The following CCDC158 variants were observed in gnomAD, a reference collection of about 807,000 sequenced individuals.
CCDC158 encodes coiled-coil domain containing 158.
In CCDC158, 116 loss-of-function variants were observed where a neutral mutation model predicts 138.6. The ratio of observed to expected loss-of-function variants is 0.84; its 90% confidence interval spans 0.72 to 0.98. The LOEUF is 0.98. CCDC158 is among the 50% of genes least tolerant of loss of function. CCDC158 has a pLI of 0.00. For synonymous variants in CCDC158, 436 were observed against 442.4 expected, an observed-to-expected ratio of 0.99 and a Z score of 0.18; for missense variants, 1,265 against 1,306.1, an observed-to-expected ratio of 0.97 and a Z score of 0.48.
intron 9 of CCDC158, among the ~76,000 whole-genome samples, chr4:76,378,432 T>C (rs9997109): frequency 0.029 from 4,464 of 152,244 alleles, 215 homozygotes; most frequent in African/African-American, 0.1. Context: ...ATGTAAATTG[T>C]TTCTGCTTGG....
chr4:76,350,900 G>T, intron 18 of CCDC158, 96 bp downstream of exon 18: 4 of 1,190,900 alleles, frequency 3.4e-6, no homozygotes, highest in Non-Finnish European at 3.5e-6. Flanking sequence ...AAATGCTATG[G>T]ATATAGAGAT....
intron 19 of CCDC158, 66 bp downstream of exon 19, chr4:76,333,944 G>C: frequency 8.4e-7 from 1 of 1,187,382 alleles, no homozygotes; most frequent in South Asian, 2.1e-5. Context: ...AGAGTAACAT[G>C]TGAATAACTC....
chr4:76,371,124 G>T (rs1306172730), intron 10 of CCDC158, among the ~76,000 whole-genome samples: 1 of 152,112 alleles, frequency 6.6e-6, no homozygotes, highest in Non-Finnish European at 1.5e-5. Flanking sequence ...GCCTTAAAAT[G>T]AACGTGTAAC....
chr4:76,351,194 A>G, intron 17 of CCDC158, 73 bp from the exon 18 acceptor site: 1 of 1,420,464 alleles, frequency 7.0e-7, no homozygotes, highest in Non-Finnish European at 9.5e-7. Flanking sequence ...ATCAAAATGT[A>G]TTTTTTGATT....
In CCDC158 at chr4:76,353,185, G is replaced by A; in HGVS notation, c.2383C>T (p.Leu795=). Residue 795 remains leucine, a synonymous_variant, in exon 16 of 25, where the codon CTG becomes TTG. Coordinates refer to ENST00000682701, the MANE Select transcript of CCDC158 (RefSeq NM_001394954.1). ...KNKMAGELEV[L]RSQERRLKEK... The stretch of plus-strand genomic sequence containing the variant: ...TTCAAACGGCGTTCCTGAGATCGCA[G>A]AACTTCCAACTCCCCAGCCATCTTG... 1 of 1,613,814 alleles carries A rather than the reference G, an allele frequency of 6.2e-7. No homozygotes were observed.
chr4:76,400,416 AG>A (rs71659322), intron 3 of CCDC158, among the ~76,000 whole-genome samples: 2 of 58,146 alleles, frequency 3.4e-5, no homozygotes, highest in African/African-American at 6.8e-5. Context: ...GGGTGGGGGG[AG>A]GGGGGAGTGA....
At chr4:76,333,743 T>C (rs1014858322) in intron 19 of CCDC158, among the ~76,000 whole-genome samples, 2 of 152,226 alleles carry the variant, frequency 1.3e-5, no homozygotes, top group Non-Finnish European at 2.9e-5. Context: ...TATAAAATCT[T>C]TTGAGAATTA....
chr4:76,321,211 G>A (rs145441821), intron 24 of CCDC158, among the ~76,000 whole-genome samples: 1 of 152,044 alleles, frequency 6.6e-6, no homozygotes, highest in South Asian at 2.1e-4. Flanking sequence ...ACAACAGTAT[G>A]ATACTACCTA....
chr4:76,397,221 A>C (rs1727901184), intron 3 of CCDC158, among the ~76,000 whole-genome samples: 1 of 151,942 alleles, frequency 6.6e-6, no homozygotes, highest in African/African-American at 2.4e-5. Flanking sequence ...GAAAAAAAAA[A>C]CCCACCTGGA....
intron 13 of CCDC158, among the ~76,000 whole-genome samples, chr4:76,361,457 G>A (rs1724131632): frequency 6.6e-6 from 1 of 152,188 alleles, no homozygotes; most frequent in Non-Finnish European, 1.5e-5. Flanking sequence ...AGCTACTTGG[G>A]AGGCTGAGGC....
intron 2 of CCDC158, chr4:76,407,222 A>G (rs762813492): frequency 1.4e-4 from 22 of 152,048 alleles, no homozygotes; most frequent in Non-Finnish European, 1.8e-4. Context: ...TTTCACTCAC[A>G]TTTTCTTCCT....
rs1172592756 is a variant in CCDC158, at chr4:76,353,231, A to G, written c.2337T>C (p.Ser779=). The G allele has an allele frequency of 6.2e-7, 1 of 1,613,084 alleles. No homozygotes were observed. The highest frequency in any genetic ancestry group is 1.3e-5 in the African/African-American group (1 of 74,866). Residue 779 remains serine (S), a synonymous_variant, in exon 16 of 25, where the codon AGT becomes AGC. Transcript: ENST00000682701. ...EEKSKLSQEL[S]TVATEKNKMA... Reference sequence around the variant, plus strand: ...TCTTGTTTTTTTCTGTGGCAACAGTACTCAATTCCTGACTGAGTTTACTTT... The same window carrying G: ...TCTTGTTTTTTTCTGTGGCAACAGTGCTCAATTCCTGACTGAGTTTACTTT...
At chr4:76,344,898 G>T in intron 18 of CCDC158, 1 of 1,552,388 alleles carries the variant, frequency 6.4e-7, no homozygotes. Flanking sequence ...CTAAGTGTTA[G>T]GTGGAAAAAT....
rs369914432 is a variant in CCDC158, at chr4:76,371,502, T to C, written c.1064A>G (p.Asn355Ser). The change falls in exon 10 of 25, where the codon AAC (asparagine) becomes AGC (serine). Residue 355 changes from asparagine (N) to serine (S), a missense_variant. Transcript: ENST00000682701. Reference sequence around the variant, plus strand: ...TGTCCGGGCTTCAGTTAGCTCTGAGTTGGCAAGGACTAACTGCTTTTCCAG... The same window carrying C: ...TGTCCGGGCTTCAGTTAGCTCTGAGCTGGCAAGGACTAACTGCTTTTCCAG... Reference protein sequence around the residue: ...EELEKQLVLANSELTEARTER... With the variant: ...EELEKQLVLASSELTEARTER... The C allele has an allele frequency of 2.5e-6, 4 of 1,614,048 alleles. No individual in the cohort carries two copies. Among genetic ancestry groups the C allele is most frequent in the Non-Finnish European group, 3.4e-6 (4 of 1,179,998 alleles).
intron 1 of CCDC158, among the ~76,000 whole-genome samples, chr4:76,420,017 G>A (rs1729985161): frequency 6.7e-6 from 1 of 150,210 alleles, no homozygotes. Flanking sequence ...CAAATAAATT[G>A]CTGTCCTCAA....
intron 18 of CCDC158, among the ~76,000 whole-genome samples, chr4:76,342,301 A>G (rs1578913269): frequency 6.6e-6 from 1 of 152,166 alleles, no homozygotes; most frequent in Non-Finnish European, 1.5e-5. Context: ...CAGTCCCTAC[A>G]AAGTGTTGGA....
At chr4:76,392,506 T>C (rs1299263934) in intron 4 of CCDC158, among the ~76,000 whole-genome samples, 2 of 151,960 alleles carry the variant, frequency 1.3e-5, no homozygotes, top group South Asian at 4.1e-4. Flanking sequence ...ATAAAAGTCA[T>C]ATATGACAGA....
Position 76,313,265 on chromosome 4 carries a change from CAGTT to C in CCDC158, c.3278-23_3278-20del, listed in dbSNP as rs773236458. On this transcript the variant is annotated intron_variant, in intron 24 of 24. Transcript: ENST00000682701. ...GACATTGCTGAAAATGTTGATAAAA[CAGTT>C]AGAATAACAAAATCTACTTAGGCTT... 1.1e-4 allele frequency: 169 copies of C among 1,500,948 alleles called. No individual in the cohort carries two copies. Among genetic ancestry groups the C allele is most frequent in the Middle Eastern group, 1.0e-3 (6 of 5,842 alleles). 93.0% of individuals were successfully genotyped at this position (1,500,948 alleles called of 1,614,324 possible).
Position 76,379,419 on chromosome 4 carries a change from G to T in CCDC158, c.915-15C>A, listed in dbSNP as rs532144184. 8 of 1,533,434 alleles carry T rather than the reference G, an allele frequency of 5.2e-6. No individual in the cohort carries two copies. The Admixed American group carries it at 1.3e-4, about 26-fold the overall frequency. The allele number at this position is 1,533,434 out of a possible 1,614,324, so 95.0% of individuals were successfully genotyped here. A position where few individuals can be genotyped will look rare whatever the true frequency, so the allele number is the denominator to read the frequency against. On this transcript the variant is annotated splice_polypyrimidine_tract_variant and intron_variant, in intron 8 of 24. Coordinates refer to ENST00000682701, the MANE Select transcript of CCDC158 (RefSeq NM_001394954.1). ...TTGCTTGCTCTCTAAGAAGAGTTTA[G>T]AAGGGGAATAAGTGCAAATAGCAAA...
Sources: gnomAD v4.1 joint callset for allele counts (sites outside exome capture counted in the v4.1 genomes callset) on GRCh38, gnomAD v4.1.1 for gene constraint, MANE v1.5 for transcripts, NCBI Gene and HGNC (gene_info 2026-07-23, HGNC 2026-07-21) for gene names.